The following KLHL18 variants were observed in gnomAD, a reference collection of about 807,000 sequenced individuals.
KLHL18 encodes kelch like family member 18, also known as kelch-like protein 18.
A neutral mutation model predicts 58.5 loss-of-function variants in KLHL18; 38 were observed. That is an observed-to-expected ratio of 0.65 (90% CI 0.50 to 0.85). The LOEUF (loss-of-function observed/expected upper bound fraction) is 0.85, where lower values mean the gene tolerates loss of function less well. Ranked by LOEUF, KLHL18 falls within the 40% of genes least tolerant of loss-of-function variation. The pLI is 0.00. For synonymous variants in KLHL18, 303 were observed against 301.9 expected (o/e 1.00, Z -0.04); for missense variants, 624 against 778.4 (o/e 0.80, Z 2.36).
intron 6 of KLHL18, among the ~76,000 whole-genome samples, chr3:47,335,590 C>T (rs1237695232): frequency 6.6e-6 from 1 of 152,158 alleles, no homozygotes; most frequent in Non-Finnish European, 1.5e-5. Context: ...TCACTGCAAC[C>T]TCTGCCTCCC....
chr3:47,338,041 A>G (rs578154785), intron 7 of KLHL18: 1 of 152,212 alleles, frequency 6.6e-6, no homozygotes, highest in East Asian at 1.9e-4. Context: ...GCCCGGTTCC[A>G]TTACATCCCT....
In KLHL18 at chr3:47,343,563, C is replaced by T. The variant is rs764363420; in HGVS notation, c.1347C>T (p.His449=). Residue 449 remains histidine, a synonymous_variant, in exon 10 of 10, where the codon CAC becomes CAT. Coordinates refer to ENST00000232766, the MANE Select transcript of KLHL18 (RefSeq NM_025010.5). ...DGLQIFSSVE[H]YNHHTATWHP... ...CTCTCTCCCCACTGCAGGTGGAACA[C>T]TACAACCACCACACAGCCACCTGGC... 6.2e-6 allele frequency: 10 copies of T among 1,613,440 alleles called. No homozygotes were observed. In the Admixed American group the frequency reaches 1.5e-4, roughly 24 times the overall value.
At position 47,319,575 on chromosome 3, in the gene KLHL18, G is replaced by A. The variant is rs1384477763; in HGVS notation, c.130-78G>A. On this transcript the variant is annotated intron_variant, in intron 1 of 9. Coordinates refer to ENST00000232766, the MANE Select transcript of KLHL18 (RefSeq NM_025010.5). ...GTATGCTGTGGAGCCGGGCGGAGGGGCAGGGTGGGTTTTTTTGTTTGTTTG... is the reference window on the plus strand; with the variant it reads ...GTATGCTGTGGAGCCGGGCGGAGGGACAGGGTGGGTTTTTTTGTTTGTTTG... 3.3e-6 allele frequency: 5 copies of A among 1,509,444 alleles called. No homozygotes were observed. The South Asian group carries it at 3.7e-5, about 11-fold the overall frequency. 93.5% of individuals were successfully genotyped at this position (1,509,444 alleles called of 1,614,324 possible).
Position 47,343,794 on chromosome 3 carries a change from C to T in KLHL18, c.1578C>T (p.Leu526=). The T allele has an allele frequency of 6.2e-7, 1 of 1,614,218 alleles. No individual in the cohort carries two copies. The highest frequency in any genetic ancestry group is 2.2e-5 in the East Asian group (1 of 44,880). Reference sequence around the variant, plus strand: ...CCCTGGTGGCCAGCTGTGGGCGCCTCTACGCTGTTGGGGGCTACGACGGAC... The same window carrying T: ...CCCTGGTGGCCAGCTGTGGGCGCCTTTACGCTGTTGGGGGCTACGACGGAC... ...RVSLVASCGR[L]YAVGGYDGQS... is the part of the protein sequence containing the mutation. The change falls in exon 10 of 10, where the codon CTC becomes CTT. Residue 526 remains leucine, a synonymous_variant. Transcript: ENST00000232766.
At chr3:47,310,890 C>T (rs1703282541) in intron 1 of KLHL18, among the ~76,000 whole-genome samples, 1 of 152,224 alleles carries the variant, frequency 6.6e-6, no homozygotes, top group African/African-American at 2.4e-5. Context: ...CTGGACCAGG[C>T]AGTGGTCTCA....
chr3:47,288,902 G>A (rs931753784), intron 1 of KLHL18, among the ~76,000 whole-genome samples: 1 of 152,218 alleles, frequency 6.6e-6, no homozygotes, highest in Non-Finnish European at 1.5e-5. Context: ...GTTGAGTTTC[G>A]TGTCCTTTGC....
chr3:47,301,897 G>A (rs151062892), intron 1 of KLHL18, among the ~76,000 whole-genome samples: 4 of 152,238 alleles, frequency 2.6e-5, no homozygotes, highest in African/African-American at 7.2e-5. Flanking sequence ...CCAGGCTCAA[G>A]CAATTCTCTC....
At chr3:47,326,300 T>G (rs762113222) in intron 3 of KLHL18, among the ~76,000 whole-genome samples, 6 of 152,170 alleles carry the variant, frequency 3.9e-5, no homozygotes, top group Non-Finnish European at 8.8e-5. Context: ...GTACACCAAA[T>G]GCGTCAATGA....
In KLHL18 at chr3:47,330,067, C is replaced by T. The variant is rs759463839; in HGVS notation, c.518C>T (p.Ser173Leu). 4 of 1,614,000 alleles carry T rather than the reference C, an allele frequency of 2.5e-6. No homozygotes were observed. In the African/African-American group the frequency reaches 4.0e-5, roughly 16 times the overall value. Residue 173 changes from serine to leucine, a missense_variant, in exon 4 of 10, where the codon TCA (serine) becomes TTA (leucine). Ser to Leu is a moderately radical substitution (Grantham distance 145). Transcript: ENST00000232766. Reference protein sequence around the residue: ...IHQHFVEVSMSEEFLALPLED... With the variant: ...IHQHFVEVSMLEEFLALPLED... ...CAGCACTTTGTGGAGGTGTCCATGT[C>T]AGAAGAGTTCCTGGCCCTGCCCTTG...
chr3:47,302,190 G>A (rs1703041000), intron 1 of KLHL18, among the ~76,000 whole-genome samples: 1 of 152,174 alleles, frequency 6.6e-6, no homozygotes, highest in Non-Finnish European at 1.5e-5. Context: ...ATAAAATGTT[G>A]TTTAAAAACT....
At chr3:47,299,792 A>C (rs1475764528) in intron 1 of KLHL18, among the ~76,000 whole-genome samples, 1 of 127,914 alleles carries the variant, frequency 7.8e-6, no homozygotes, top group Non-Finnish European at 1.6e-5. Context: ...GCACCACTGC[A>C]CTCCAGCCTG....
intron 3 of KLHL18, among the ~76,000 whole-genome samples, chr3:47,324,298 CTTTT>C (rs769288621): frequency 0.034 from 1,270 of 37,440 alleles, 9 homozygotes; most frequent in Middle Eastern, 0.056. Flanking sequence ...TTCTTTCTTT[CTTTT>C]TTTTTTTTTT....
At chr3:47,326,782 A>G (rs1394029828) in intron 3 of KLHL18, among the ~76,000 whole-genome samples, 2 of 151,588 alleles carry the variant, frequency 1.3e-5, no homozygotes, top group Non-Finnish European at 1.5e-5. Context: ...TTAGCTGGCT[A>G]TGGTTGCAGG....
chr3:47,327,623 C>A (rs1703756554), intron 3 of KLHL18, among the ~76,000 whole-genome samples: 2 of 152,384 alleles, frequency 1.3e-5, no homozygotes, highest in African/African-American at 4.8e-5. Context: ...ACCTTCAGCG[C>A]TGTATTCCTC....
chr3:47,305,160 C>G (rs1703113662), intron 1 of KLHL18, among the ~76,000 whole-genome samples: 1 of 152,038 alleles, frequency 6.6e-6, no homozygotes, highest in South Asian at 2.1e-4. Flanking sequence ...CAAGAGTGTG[C>G]TAAATAGCAG....
At chr3:47,333,038 A>C in intron 4 of KLHL18, 119 bp from the exon 5 acceptor site, 1 of 996,292 alleles carries the variant, frequency 1.0e-6, no homozygotes, top group Middle Eastern at 2.5e-4. Context: ...AGTAGGAGAA[A>C]AGATTGATGG....
Position 47,340,641 on chromosome 3 carries a change from C to G in KLHL18, c.1191C>G (p.Leu397=), listed in dbSNP as rs1321010238. ...GGGGCTACGATGGCAACTCTTCCCT[C>G]AGCTCCGTGGAGACCTACTCACCTG... ...VCGGYDGNSS[L]SSVETYSPET... The change falls in exon 8 of 10, where the codon CTC becomes CTG. Residue 397 remains leucine (L), a synonymous_variant. Coordinates refer to ENST00000232766, the MANE Select transcript of KLHL18 (RefSeq NM_025010.5). 6.2e-7 allele frequency: 1 copy of G among 1,613,932 alleles called. No individual in the cohort carries two copies. The highest frequency in any genetic ancestry group is 1.3e-5 in the African/African-American group (1 of 74,896).
chr3:47,295,831 C>T (rs1222091401), intron 1 of KLHL18, among the ~76,000 whole-genome samples: 1 of 152,116 alleles, frequency 6.6e-6, no homozygotes, highest in Admixed American at 6.5e-5. Flanking sequence ...CCTCCCACCT[C>T]GGCCTCACAA....
In KLHL18 at chr3:47,343,876, A is replaced by G. The variant is rs1422835522; in HGVS notation, c.1660A>G (p.Met554Val). ...CCCAGAGACAGACTGCTGGACATTC[A>G]TGGCCCCCATGGCGTGCCATGAGGG... ...YDPETDCWTF[M>V]APMACHEGGV... Residue 554 changes from methionine (M) to valine (V), a missense_variant, in exon 10 of 10, where the codon ATG (methionine) becomes GTG (valine). Physicochemically the swap from Met to Val is conservative, Grantham distance 21. Transcript: ENST00000232766. 2 of 1,614,082 alleles carry G rather than the reference A, an allele frequency of 1.2e-6. No homozygotes were observed. The highest frequency in any genetic ancestry group is 8.5e-7 in the Non-Finnish European group (1 of 1,180,020).
Sources: gnomAD v4.1 joint callset for allele counts (sites outside exome capture counted in the v4.1 genomes callset) on GRCh38, gnomAD v4.1.1 for gene constraint, MANE v1.5 for transcripts, NCBI Gene and HGNC (gene_info 2026-07-23, HGNC 2026-07-21) for gene names.